NLGN1: variants seen among roughly 807,000 people sequenced by gnomAD.
The protein encoded by NLGN1 is neuroligin-1.
A neutral mutation model predicts 65.5 loss-of-function variants in NLGN1; 12 were observed. That is an observed-to-expected ratio of 0.18 (90% CI 0.12 to 0.30). The LOEUF (loss-of-function observed/expected upper bound fraction) is 0.30. Ranked by LOEUF, NLGN1 falls within the 10% of genes least tolerant of loss-of-function variation. NLGN1 has a pLI of 1.00. For missense variants in NLGN1, 750 were observed against 1,007.1 expected (o/e 0.74, Z 3.46); for synonymous variants, 350 against 359.5 (o/e 0.97, Z 0.30).
At chr3:173,656,770 T>C (rs1760110148) in intron 3 of NLGN1, among the ~76,000 whole-genome samples, 1 of 152,036 alleles carries the variant, frequency 6.6e-6, no homozygotes. Context: ...TAAAAGCTTC[T>C]CAAAGGATTG....
intron 4 of NLGN1, among the ~76,000 whole-genome samples, chr3:174,184,315 TC>T (rs1577256955): frequency 6.6e-6 from 1 of 151,364 alleles, no homozygotes; most frequent in Admixed American, 6.6e-5. Context: ...CAAAAAACAC[TC>T]AGCCAAATAT....
chr3:173,619,568 A>G (rs1753661266), intron 3 of NLGN1, among the ~76,000 whole-genome samples: 1 of 152,220 alleles, frequency 6.6e-6, no homozygotes. Flanking sequence ...GGCTTTATAT[A>G]TTAACTTACT....
At chr3:174,135,409 T>C (rs1488185326) in intron 4 of NLGN1, among the ~76,000 whole-genome samples, 1 of 152,152 alleles carries the variant, frequency 6.6e-6, no homozygotes. Context: ...TTAAATATGC[T>C]CGAAAGGGAG....
intron 4 of NLGN1, among the ~76,000 whole-genome samples, chr3:173,906,416 C>T (rs1302138457): frequency 1.3e-5 from 2 of 152,006 alleles, no homozygotes; most frequent in Admixed American, 6.6e-5. Flanking sequence ...AACTCAATGC[C>T]TTATGGCCTT....
intron 3 of NLGN1, among the ~76,000 whole-genome samples, chr3:173,718,058 A>G (rs1770166706): frequency 6.6e-6 from 1 of 152,112 alleles, no homozygotes; most frequent in Non-Finnish European, 1.5e-5. Flanking sequence ...GGCACATGTC[A>G]TATTCTGATA....
At chr3:173,449,428 C>G (rs532719080) in intron 2 of NLGN1, among the ~76,000 whole-genome samples, 1 of 152,138 alleles carries the variant, frequency 6.6e-6, no homozygotes, top group African/African-American at 2.4e-5. Context: ...GTCTGAGAGA[C>G]AGTTTGTTAT....
At chr3:173,872,700 G>T (rs1164706219) in intron 4 of NLGN1, among the ~76,000 whole-genome samples, 1 of 152,106 alleles carries the variant, frequency 6.6e-6, no homozygotes, top group Non-Finnish European at 1.5e-5. Flanking sequence ...TCCCACTGAG[G>T]TCCTGCCGAC....
chr3:174,067,625 A>G (rs528021854), intron 4 of NLGN1, among the ~76,000 whole-genome samples: 13 of 152,276 alleles, frequency 8.5e-5, no homozygotes, highest in Admixed American at 3.9e-4. Context: ...TGATGGGCAC[A>G]GGATGTTCCA....
chr3:173,432,977 T>C (rs1717457675), intron 1 of NLGN1, among the ~76,000 whole-genome samples: 2 of 152,124 alleles, frequency 1.3e-5, no homozygotes, highest in South Asian at 4.1e-4. Flanking sequence ...TTATATCTCT[T>C]TATATTTCTC....
At chr3:174,076,720 AGAGAGTGTGT>A (rs1467060386) in intron 4 of NLGN1, among the ~76,000 whole-genome samples, 62 of 114,810 alleles carry the variant, frequency 5.4e-4, no homozygotes, top group African/African-American at 1.5e-3. Flanking sequence ...AGAGAGAGAG[AGAGAGTGTGT>A]GTGTGTGTGT....
intron 1 of NLGN1, among the ~76,000 whole-genome samples, chr3:173,398,873 T>G (rs190777944): frequency 1.3e-5 from 2 of 152,340 alleles, no homozygotes; most frequent in East Asian, 3.9e-4. Flanking sequence ...TTACAGGGTC[T>G]TAATGCATTT....
intron 2 of NLGN1, among the ~76,000 whole-genome samples, chr3:173,476,049 A>T (rs1207680359): frequency 6.6e-6 from 1 of 152,194 alleles, no homozygotes; most frequent in Non-Finnish European, 1.5e-5. Flanking sequence ...TGCCTTATAA[A>T]TATTGATTAT....
At chr3:173,746,962 G>A (rs781024422) in intron 3 of NLGN1, among the ~76,000 whole-genome samples, 65 of 151,746 alleles carry the variant, frequency 4.3e-4, no homozygotes, top group Non-Finnish European at 8.5e-4. Flanking sequence ...GGGAGGCTGA[G>A]GCAGGAGAAT....
At chr3:173,680,266 GC>G (rs376789998) in intron 3 of NLGN1, among the ~76,000 whole-genome samples, 2 of 152,212 alleles carry the variant, frequency 1.3e-5, no homozygotes, top group African/African-American at 4.8e-5. Context: ...ATATACTGCA[GC>G]CTTATTAAGT....
intron 2 of NLGN1, among the ~76,000 whole-genome samples, chr3:173,517,750 T>TTATCTATC (rs368708618): frequency 0.18 from 26,585 of 147,100 alleles, 2,520 homozygotes; most frequent in East Asian, 0.26. Context: ...TTTCGCAAAT[T>TTATCTATC]TATCTATCTA....
chr3:173,525,927 T>C (rs1342158869), intron 2 of NLGN1, among the ~76,000 whole-genome samples: 1 of 152,132 alleles, frequency 6.6e-6, no homozygotes, highest in Non-Finnish European at 1.5e-5. Context: ...CTTTCTGGTA[T>C]TCATTTCTAA....
intron 4 of NLGN1, among the ~76,000 whole-genome samples, chr3:174,255,138 G>A (rs369012656): frequency 6.6e-6 from 1 of 152,062 alleles, no homozygotes; most frequent in Non-Finnish European, 1.5e-5. Flanking sequence ...CCCAAAAAAC[G>A]TTTAAGCGAA....
downstream of NLGN1, among the ~76,000 whole-genome samples, chr3:174,288,625 A>G (rs1331860056): frequency 6.6e-6 from 1 of 151,444 alleles, no homozygotes; most frequent in Non-Finnish European, 1.5e-5. Context: ...AATACAAAAT[A>G]GTTCAGTCTT....
intron 4 of NLGN1, among the ~76,000 whole-genome samples, chr3:174,237,141 T>G (rs888920607): frequency 2.0e-5 from 3 of 152,144 alleles, no homozygotes; most frequent in Non-Finnish European, 4.4e-5. Flanking sequence ...TAAAGTCTTT[T>G]TTGCTTTTCT....
Sources: allele counts gnomAD v4.1 joint callset (sites outside exome capture counted in the v4.1 genomes callset), GRCh38; gene constraint gnomAD v4.1.1; transcripts MANE v1.5; gene names NCBI Gene and HGNC (gene_info 2026-07-23, HGNC 2026-07-21).